FGFR2: variants seen among roughly 807,000 people sequenced by gnomAD.
The protein encoded by FGFR2 is BEK fibroblast growth factor receptor.
A neutral mutation model predicts 95.9 loss-of-function variants in FGFR2; 19 were observed. That is an observed-to-expected ratio of 0.20 (90% CI 0.14 to 0.29). The LOEUF (loss-of-function observed/expected upper bound fraction) is 0.29, where lower values mean the gene tolerates loss of function less well. FGFR2 is among the 10% of genes least tolerant of loss of function. The pLI is 1.00. For missense variants in FGFR2, 707 were observed against 1,056.9 expected (o/e 0.67, Z 4.59); for synonymous variants, 392 against 393.3 (o/e 1.00, Z 0.04).
chr10:121,528,734 A>C (rs985909092), intron 6 of FGFR2, among the ~76,000 whole-genome samples: 12 of 152,246 alleles, frequency 7.9e-5, no homozygotes, highest in African/African-American at 2.7e-4. Flanking sequence ...TTCTAAGTAC[A>C]GCATGACCTA....
rs376135530 is a variant in FGFR2 at position 121,496,185 on chromosome 10, GA to G, written c.1863+346del. Among the ~76,000 whole-genome samples the G allele has an allele frequency of 2.2e-3, 288 of 129,096 alleles. 2 individuals are homozygous for G. The highest frequency in any genetic ancestry group is 5.9e-3 in the African/African-American group (208 of 35,132). The allele number at this position is 129,096 out of a possible 152,430, so 84.7% of individuals were successfully genotyped here. A position where few individuals can be genotyped will look rare whatever the true frequency, so the allele number is the denominator to read the frequency against. Reference sequence around the variant, plus strand: ...TAACCACAAAATAAATGAAGCTTAAGAAAAAAAAAAAAGAAAGAAAGAAAAT... The same window carrying G: ...TAACCACAAAATAAATGAAGCTTAAGAAAAAAAAAAAGAAAGAAAGAAAAT... On this transcript the variant is annotated intron_variant, in intron 13 of 17. Transcript: ENST00000358487.
At chr10:121,489,543 T>C (rs3135797) in intron 13 of FGFR2, among the ~76,000 whole-genome samples, 18,450 of 152,202 alleles carry the variant, frequency 0.12, 1,301 homozygotes, top group Non-Finnish European at 0.15. Context: ...TCTAAACACA[T>C]ACAAAATATG....
rs375961106 is a variant in FGFR2 at position 121,496,595 on chromosome 10, G to A, written c.1800C>T (p.Phe600=). Residue 600 remains phenylalanine, a synonymous_variant, in exon 13 of 18, where the codon TTC becomes TTT. Coordinates refer to ENST00000358487, the MANE Select transcript of FGFR2 (RefSeq NM_000141.5). The part of the protein sequence containing the change: ...INRVPEEQMT[F]KDLVSCTYQL... ...GGTAGGTGCATGACACCAAGTCCTT[G>A]AAGGTCATCTGCTCCTCAGGAACAC... 1.1e-5 allele frequency: 17 copies of A among 1,613,646 alleles called. No homozygotes were observed. Among genetic ancestry groups the A allele is most frequent in the Non-Finnish European group, 1.4e-5 (16 of 1,180,014 alleles).
At chr10:121,549,279 G>T (rs1360968943) in intron 5 of FGFR2, among the ~76,000 whole-genome samples, 1 of 152,174 alleles carries the variant, frequency 6.6e-6, no homozygotes, top group Non-Finnish European at 1.5e-5. Context: ...GGGTTGCAGG[G>T]CATTTTTAGG....
At chr10:121,491,285 C>T (rs921147619) in intron 13 of FGFR2, among the ~76,000 whole-genome samples, 1 of 152,146 alleles carries the variant, frequency 6.6e-6, no homozygotes, top group African/African-American at 2.4e-5. Context: ...GGAACCCACA[C>T]CCGAGAAAAA....
At chr10:121,495,444 C>T (rs1267767425) in intron 13 of FGFR2, among the ~76,000 whole-genome samples, 1 of 152,188 alleles carries the variant, frequency 6.6e-6, no homozygotes, top group Non-Finnish European at 1.5e-5. Context: ...GGGAGGCTCA[C>T]CTGAACCCAG....
rs139399579 is a variant in FGFR2 at position 121,559,033 on chromosome 10, G to A, written c.454+5469C>T. On this transcript the variant is annotated intron_variant, in intron 4 of 17. Coordinates refer to ENST00000358487, the MANE Select transcript of FGFR2 (RefSeq NM_000141.5). ...ATTAGATCAATAATCTAGCAAATCA[G>A]CAGAGGGAATAACCTGCAATATATT... Among the ~76,000 whole-genome samples, 75 of 145,150 alleles carry A rather than the reference G, an allele frequency of 5.2e-4. 1 individual carries two copies. Among genetic ancestry groups the A allele is most frequent in the African/African-American group, 1.7e-3 (67 of 38,892 alleles).
chr10:121,588,157 G>A lies in FGFR2; in HGVS notation c.109+5552C>T, dbSNP rs577846311. ...AACCAAATACAGAAAACCAAATACT[G>A]CATATTCTCATTTATAAGTGGGAGC... On this transcript the variant is annotated intron_variant, in intron 2 of 17. Coordinates refer to ENST00000358487, the MANE Select transcript of FGFR2 (RefSeq NM_000141.5). Among the ~76,000 whole-genome samples the A allele has an allele frequency of 3.6e-4, 55 of 151,830 alleles. No individual in the cohort carries two copies. The South Asian group carries it at 0.011, about 31-fold the overall frequency.
chr10:121,549,332 G>A (rs1412221128), intron 5 of FGFR2, among the ~76,000 whole-genome samples: 1 of 152,216 alleles, frequency 6.6e-6, no homozygotes, highest in Non-Finnish European at 1.5e-5. Flanking sequence ...TGGAGCTAAA[G>A]TGATGCTGGT....
rs763867175 is a variant in FGFR2 at position 121,479,909 on chromosome 10, T to G, written c.2414A>C (p.Tyr805Ser). 1 of 1,614,106 alleles carries G rather than the reference T, an allele frequency of 6.2e-7. No homozygotes were observed. The highest frequency in any genetic ancestry group is 8.5e-7 in the Non-Finnish European group (1 of 1,180,002). ...DSVFSPDPMP[Y>S]EPCLPQYPHI... The stretch of plus-strand genomic sequence containing the variant: ...TGGATACTGAGGAAGGCATGGTTCG[T>G]AAGGCATGGGGTCTGGAGAAAAAAC... The change falls in exon 18 of 18, where the codon TAC becomes TCC. Residue 805 changes from tyrosine to serine, a missense_variant. This residue lies in a region of FGFR2 where 51 missense variants were observed against 50.2 expected (regional missense o/e 1.01). Coordinates refer to ENST00000358487, the MANE Select transcript of FGFR2 (RefSeq NM_000141.5).
At chr10:121,487,524 G>A (rs1845576529) in intron 14 of FGFR2, 100 bp from the exon 15 acceptor site, 10 of 930,770 alleles carry the variant, frequency 1.1e-5, no homozygotes, top group Middle Eastern at 2.9e-4. Context: ...TGATATTCTC[G>A]GTTTTTACTA....
chr10:121,509,003 G>A (rs1848676331), intron 9 of FGFR2, among the ~76,000 whole-genome samples: 1 of 152,218 alleles, frequency 6.6e-6, no homozygotes, highest in Non-Finnish European at 1.5e-5. Context: ...GTTTTACTGG[G>A]CATCTTTCCT....
At chr10:121,559,145 C>T (rs564214686) in intron 4 of FGFR2, among the ~76,000 whole-genome samples, 18 of 150,210 alleles carry the variant, frequency 1.2e-4, no homozygotes, top group Non-Finnish European at 2.4e-4. Context: ...TCAAAAAAGC[C>T]CAAAAACGTC....
chr10:121,506,990 C>T (rs1033741283), intron 9 of FGFR2, among the ~76,000 whole-genome samples: 1 of 152,218 alleles, frequency 6.6e-6, no homozygotes, highest in East Asian at 1.9e-4. Context: ...ATGCTGACTT[C>T]TAAAATGAGT....
chr10:121,565,794 T>A, intron 2 of FGFR2, 90 bp from the exon 3 acceptor site: 3 of 1,494,904 alleles, frequency 2.0e-6, no homozygotes, highest in Non-Finnish European at 2.8e-6. Flanking sequence ...GGCCTGCTTA[T>A]TCCCAGGAGA....
In FGFR2 at chr10:121,485,099, C is replaced by T. The variant is rs1374573347; in HGVS notation, c.2195+296G>A. Among the ~76,000 whole-genome samples, 1 of 152,076 alleles carries T rather than the reference C, an allele frequency of 6.6e-6. No individual in the cohort carries two copies. The highest frequency in any genetic ancestry group is 1.5e-5 in the Non-Finnish European group (1 of 68,004). The stretch of plus-strand genomic sequence containing the variant: ...GACCGCAGAAGGTGCAGCACAGTGG[C>T]CCAGGAAGACCACTCCTGCTGGCTC... On this transcript the variant is annotated intron_variant, in intron 16 of 17. Coordinates refer to ENST00000358487, the MANE Select transcript of FGFR2 (RefSeq NM_000141.5). This position sits in a 1 kb window ranked among gnomAD's most constrained non-coding sequence, Gnocchi z 4.2.
intron 4 of FGFR2, among the ~76,000 whole-genome samples, chr10:121,555,926 AC>A (rs1856068325): frequency 6.6e-6 from 1 of 152,052 alleles, no homozygotes. Context: ...TATTATTCCC[AC>A]CCTAGAGCCA....
At chr10:121,578,394 C>T (rs1380062722) in intron 2 of FGFR2, among the ~76,000 whole-genome samples, 1 of 152,170 alleles carries the variant, frequency 6.6e-6, no homozygotes, top group Non-Finnish European at 1.5e-5. Flanking sequence ...ACAGCTCCTC[C>T]GTGAAAATCC....
chr10:121,569,799 T>C (rs1193694941), intron 2 of FGFR2, among the ~76,000 whole-genome samples: 1 of 152,200 alleles, frequency 6.6e-6, no homozygotes, highest in African/African-American at 2.4e-5. Context: ...CAAGGACTCC[T>C]CCCTCCACCC....
Sources: gnomAD v4.1 joint callset for allele counts (sites outside exome capture counted in the v4.1 genomes callset) on GRCh38, gnomAD v4.1.1 for gene constraint, gnomAD v4.1.1 regional missense constraint, Gnocchi (gnomAD v3.1) non-coding constraint, MANE v1.5 for transcripts, NCBI Gene and HGNC (gene_info 2026-07-23, HGNC 2026-07-21) for gene names.